Variants in LPA observed in about 807,000 individuals in gnomAD.
LPA encodes lipoprotein(a).
LPA carries 199 observed loss-of-function variants against 197.9 expected under a neutral mutation model. The ratio of observed to expected loss-of-function variants is 1.01; its 90% CI spans 0.90 to 1.13. LPA has a LOEUF of 1.13. Ranked by LOEUF, LPA falls within the 50% of genes most tolerant of loss-of-function variation. The pLI is 0.00. For synonymous variants in LPA, 715 were observed against 639.5 expected (o/e 1.12, Z -1.78); for missense variants, 1,853 against 1,785.8 (o/e 1.04, Z -0.68).
intron 26 of LPA, among the ~76,000 whole-genome samples, chr6:160,583,700 G>T (rs955896674): frequency 1.3e-5 from 2 of 152,070 alleles, no homozygotes; most frequent in African/African-American, 2.4e-5. Flanking sequence ...TATTCCTGGA[G>T]CTCCTTTTCT....
At chr6:160,654,759 G>A (rs1164676556) in intron 1 of LPA, among the ~76,000 whole-genome samples, 1 of 152,138 alleles carries the variant, frequency 6.6e-6, no homozygotes, top group Non-Finnish European at 1.5e-5. Context: ...CATGATAAAG[G>A]AAAAATAAAG....
rs150325648 is a variant in LPA, at chr6:160,542,666, T to C, written c.5519+22A>G. The C allele has an allele frequency of 8.4e-4, 1,362 of 1,612,400 alleles. 14 individuals are homozygous for C. The East Asian group carries it at 0.02, about 23-fold the overall frequency. ...GGCTTACATGGAAGGACAGTATAGA[T>C]GGTTTCTGGGCCTGTTCTTACCTTG... On this transcript the variant is annotated intron_variant, in intron 34 of 38. Transcript: ENST00000316300.
At chr6:160,588,292 G>T (rs550246601) in intron 24 of LPA, among the ~76,000 whole-genome samples, 77 of 151,938 alleles carry the variant, frequency 5.1e-4, no homozygotes, top group African/African-American at 1.8e-3. Context: ...TAATTTACTT[G>T]GAGATCATTT....
chr6:160,535,440 G>C (rs200673636), intron 37 of LPA, among the ~76,000 whole-genome samples: 3 of 994 alleles, frequency 3.0e-3, no homozygotes, highest in East Asian at 0.022. Flanking sequence ...TGGTAGTAGT[G>C]GTAGTGGTAG....
chr6:160,605,600 G>A (rs542737233), intron 17 of LPA, among the ~76,000 whole-genome samples: 2 of 152,278 alleles, frequency 1.3e-5, no homozygotes, highest in East Asian at 3.9e-4. Flanking sequence ...GCATTTGGGG[G>A]TACAGGCCAT....
In LPA at chr6:160,594,044, A is replaced by T. The variant is rs754855527; in HGVS notation, c.3543T>A (p.Ser1181=). The T allele has an allele frequency of 1.9e-6, 3 of 1,613,988 alleles. No homozygotes were observed. Among genetic ancestry groups the T allele is most frequent in the Non-Finnish European group, 2.5e-6 (3 of 1,179,864 alleles). ...GACATGTCCTTCCTGTGACAGTGGT[A>T]GAGAATGAGCCTCGATAACTCTGTC... ...GDGQSYRGSF[S]TTVTGRTCQS... The change falls in exon 22 of 39, where the codon TCT becomes TCA. Residue 1181 remains serine (S), a synonymous_variant. Transcript: ENST00000316300.
At chr6:160,558,077 G>A (rs552796103) in intron 28 of LPA, among the ~76,000 whole-genome samples, 3 of 152,080 alleles carry the variant, frequency 2.0e-5, no homozygotes, top group Non-Finnish European at 2.9e-5. Flanking sequence ...CCGCCACCAC[G>A]CCTGGCTAAT....
intron 26 of LPA, 31 bp downstream of exon 26, chr6:160,585,015 G>T (rs746216921): frequency 6.2e-7 from 1 of 1,611,682 alleles, no homozygotes; most frequent in South Asian, 1.1e-5. Context: ...GTTGACTATT[G>T]TTCCTTTTAT....
rs547557422 is a variant in LPA at position 160,536,633 on chromosome 6, A to G, written c.5842+1222T>C. On this transcript the variant is annotated intron_variant, in intron 37 of 38. Coordinates refer to ENST00000316300, the MANE Select transcript of LPA (RefSeq NM_005577.4). ...TCAATGGTAAAATAGGAACAATAAT[A>G]CCTAACTCACAGTGGTTTGTAGCAT... Among the ~76,000 whole-genome samples, 4 of 152,264 alleles carry G rather than the reference A, an allele frequency of 2.6e-5. No homozygotes were observed. The South Asian group carries it at 8.3e-4, about 32-fold the overall frequency.
chr6:160,597,435 G>A (rs1444689716), intron 20 of LPA, among the ~76,000 whole-genome samples: 1 of 152,184 alleles, frequency 6.6e-6, no homozygotes. Context: ...CAATGCTCGT[G>A]TGGCTCTAGG....
At chr6:160,649,896 G>C (rs1301554970) in intron 2 of LPA, among the ~76,000 whole-genome samples, 1 of 152,122 alleles carries the variant, frequency 6.6e-6, no homozygotes, top group Non-Finnish European at 1.5e-5. Flanking sequence ...CGTTGGAATA[G>C]ACATAGATAT....
chr6:160,598,708 C>T (rs745471149), intron 20 of LPA, among the ~76,000 whole-genome samples: 7 of 152,166 alleles, frequency 4.6e-5, no homozygotes, highest in Non-Finnish European at 1.0e-4. Context: ...CTCCTCTGGG[C>T]AGACCGTATC....
chr6:160,604,823 C>G (rs1207997800), intron 18 of LPA, among the ~76,000 whole-genome samples: 1 of 152,102 alleles, frequency 6.6e-6, no homozygotes, highest in Admixed American at 6.6e-5. Context: ...ATATCCTTGC[C>G]TCCAGATACC....
intron 30 of LPA, among the ~76,000 whole-genome samples, chr6:160,549,961 G>T (rs914468281): frequency 6.6e-6 from 1 of 152,226 alleles, no homozygotes; most frequent in East Asian, 1.9e-4. Flanking sequence ...TTTGGCTCAC[G>T]CCTGTAATCC....
rs563950898 is a variant in LPA at position 160,594,300 on chromosome 6, A to T, written c.3470-183T>A. Among the ~76,000 whole-genome samples the T allele has an allele frequency of 7.2e-5, 11 of 152,362 alleles. No individual in the cohort carries two copies. The South Asian group carries it at 2.1e-3, about 29-fold the overall frequency. On this transcript the variant is annotated intron_variant, in intron 21 of 38. Transcript: ENST00000316300. ...AGATTCATAGCATTCTAGAACTTTA[A>T]CGAGTTCTTAGAAAGATTTCCTTTA... is the stretch of plus-strand genomic sequence containing the variant.
rs185195811 is a variant in LPA at position 160,597,422 on chromosome 6, T to C, written c.3288-1887A>G. Among the ~76,000 whole-genome samples, 89 of 152,356 alleles carry C rather than the reference T, an allele frequency of 5.8e-4. 1 individual carries two copies. The East Asian group carries it at 0.013, about 22-fold the overall frequency. On this transcript the variant is annotated intron_variant, in intron 20 of 38. Transcript: ENST00000316300. ...AATGAACAATTTTTACTTCTCTATG[T>C]TTCAATGCTCGTGTGGCTCTAGGAT...
rs138889924 is a variant in LPA, at chr6:160,575,727, T to C, written c.4631+1409A>G. ...AAATATCCCCCAGTGCTTTGTGAGCTCTGCCATCTCCATTGAACTCATTGT... is the reference window on the plus strand; with the variant it reads ...AAATATCCCCCAGTGCTTTGTGAGCCCTGCCATCTCCATTGAACTCATTGT... On this transcript the variant is annotated intron_variant, in intron 28 of 38. Transcript: ENST00000316300. Among the ~76,000 whole-genome samples the C allele has an allele frequency of 2.8e-3, 425 of 152,322 alleles. 2 individuals carry two copies. Among genetic ancestry groups the C allele is most frequent in the African/African-American group, 9.7e-3 (404 of 41,572 alleles).
chr6:160,535,491 G>A (rs1777878894), intron 37 of LPA, among the ~76,000 whole-genome samples: 4 of 152,250 alleles, frequency 2.6e-5, no homozygotes, highest in Non-Finnish European at 4.4e-5. Context: ...TGGTGATGAT[G>A]TTGAGAGTGA....
At chr6:160,663,706 G>A (rs1443114800) in intron 1 of LPA, among the ~76,000 whole-genome samples, 1 of 152,230 alleles carries the variant, frequency 6.6e-6, no homozygotes, top group Non-Finnish European at 1.5e-5. Context: ...AACAAAGAGA[G>A]AAATGCTGAG....
Sources: allele counts gnomAD v4.1 joint callset (sites outside exome capture counted in the v4.1 genomes callset), GRCh38; gene constraint gnomAD v4.1.1; transcripts MANE v1.5; gene names NCBI Gene and HGNC (gene_info 2026-07-23, HGNC 2026-07-21).